Variants in IGSF3 observed in about 807,000 individuals in gnomAD.
IGSF3 encodes immunoglobulin superfamily member 3.
Under a neutral mutation model 114.4 loss-of-function variants are expected in IGSF3, and 23 were observed. That is an observed-to-expected ratio of 0.20 (90% CI 0.14 to 0.28). The LOEUF (loss-of-function observed/expected upper bound fraction) is 0.28, where lower values mean the gene tolerates loss of function less well. Among genes scored for constraint, IGSF3 ranks in the 10% least tolerant of loss-of-function variants. The probability of loss-of-function intolerance (pLI) is 1.00; values close to 1 mark genes in which losing one functional copy is unlikely to be tolerated. For synonymous variants in IGSF3, 571 were observed against 645.2 expected (o/e 0.88, Z 1.74); for missense variants, 1,172 against 1,591.5 (o/e 0.74, Z 4.48).
rs1430024426 is a variant in IGSF3 at position 116,607,438 on chromosome 1, C to T, written c.1222+504G>A. On this transcript the variant is annotated intron_variant, in intron 5 of 10. Coordinates refer to ENST00000369486, the MANE Select transcript of IGSF3 (RefSeq NM_001007237.3). This position sits in a 1 kb window ranked among gnomAD's most constrained non-coding sequence, Gnocchi z 6.1. Reference sequence around the variant, plus strand: ...AAACACAATTTCAACAGGGAAAAGCCATTTAGGGAAATGCCAGCCTTTATA... The same window carrying T: ...AAACACAATTTCAACAGGGAAAAGCTATTTAGGGAAATGCCAGCCTTTATA... Among the ~76,000 whole-genome samples, 1 of 152,194 alleles carries T rather than the reference C, an allele frequency of 6.6e-6. No homozygotes were observed. Among genetic ancestry groups the T allele is most frequent in the Non-Finnish European group, 1.5e-5 (1 of 68,032 alleles).
intron 6 of IGSF3, among the ~76,000 whole-genome samples, chr1:116,602,869 A>AC (rs1192779023): frequency 1.3e-5 from 2 of 152,258 alleles, no homozygotes; most frequent in African/African-American, 4.8e-5. Context: ...AAGCCTCTTT[A>AC]CCCCATGAGA....
chr1:116,623,492 C>G (rs1343783826), intron 2 of IGSF3, among the ~76,000 whole-genome samples: 1 of 151,612 alleles, frequency 6.6e-6, no homozygotes, highest in Non-Finnish European at 1.5e-5. Flanking sequence ...TCGAGACCAG[C>G]CTGGCCAACA....
rs1305994145 is a variant in IGSF3, at chr1:116,614,582, G to A, written c.422-407C>T. On this transcript the variant is annotated intron_variant, in intron 3 of 10. Transcript: ENST00000369486. This position sits in a 1 kb window ranked among gnomAD's most constrained non-coding sequence, Gnocchi z 4.5. ...TGATCCTGTAATGGAAATGCCTCCT[G>A]GAACTTTTAGTTTTACATTTCTATA... 6.6e-6 allele frequency among the ~76,000 whole-genome samples: 1 copy of A among 152,068 alleles called. No individual in the cohort carries two copies. Among genetic ancestry groups the A allele is most frequent in the East Asian group, 1.9e-4 (1 of 5,196 alleles).
Position 116,650,320 on chromosome 1 carries a change from T to A in IGSF3, c.43+15964A>T, listed in dbSNP as rs1019397057. On this transcript the variant is annotated intron_variant, in intron 2 of 10. Coordinates refer to ENST00000369486, the MANE Select transcript of IGSF3 (RefSeq NM_001007237.3). This position sits in a 1 kb window ranked among gnomAD's most constrained non-coding sequence, Gnocchi z 5.0. ...GTCTGCTGGCCTCAACAAACCTGCT[T>A]TCCTCATTGCAACAAGATGGCTGCT... is the stretch of plus-strand genomic sequence containing the variant. 5.1e-4 allele frequency among the ~76,000 whole-genome samples: 78 copies of A among 152,314 alleles called. No homozygotes were observed. The highest frequency in any genetic ancestry group is 1.8e-3 in the African/African-American group (74 of 41,574).
At chr1:116,617,736 A>T (rs1343487456) in intron 2 of IGSF3, among the ~76,000 whole-genome samples, 1 of 152,268 alleles carries the variant, frequency 6.6e-6, no homozygotes, top group Non-Finnish European at 1.5e-5. Flanking sequence ...CACAGAGCCT[A>T]GCCCACAATC....
chr1:116,652,700 T>A (rs1648684217), intron 2 of IGSF3, among the ~76,000 whole-genome samples: 1 of 152,138 alleles, frequency 6.6e-6, no homozygotes. Context: ...CACAAAAAAA[T>A]TTTAGATCCT....
In IGSF3 at chr1:116,657,305, AAAG is replaced by A. The variant is rs1398031157; in HGVS notation, c.43+8976_43+8978del. Among the ~76,000 whole-genome samples, 1 of 152,176 alleles carries A rather than the reference AAAG, an allele frequency of 6.6e-6. No homozygotes were observed. The highest frequency in any genetic ancestry group is 2.4e-5 in the African/African-American group (1 of 41,438). On this transcript the variant is annotated intron_variant, in intron 2 of 10. Transcript: ENST00000369486. The surrounding 1 kb of genome is among the most constrained non-coding windows in gnomAD (Gnocchi z 4.2). ...CAAGGTCAATCAAGGTCACCAATGC[AAAG>A]AAGTAGTGGGCAAACACCACCCAGG...
rs1404459660 is a variant in IGSF3, at chr1:116,579,479, C to T, written c.3247G>A (p.Glu1083Lys). 1 of 1,613,788 alleles carries T rather than the reference C, an allele frequency of 6.2e-7. No individual in the cohort carries two copies. Among genetic ancestry groups the T allele is most frequent in the Non-Finnish European group, 8.5e-7 (1 of 1,179,934 alleles). ...QDTGNYSCHV[E>K]EWLPSPQKEW... The stretch of plus-strand genomic sequence containing the variant: ...TTCTGAGGGCTGGGCAGCCACTCCT[C>T]CACATGGCAGGAGTAATTGCCTGTA... The change falls in exon 10 of 11, where the codon GAG becomes AAG. Residue 1083 changes from glutamate to lysine, a missense_variant. Physicochemically the swap from Glu to Lys is moderately conservative, Grantham distance 56 (BLOSUM62 1). Coordinates refer to ENST00000369486, the MANE Select transcript of IGSF3 (RefSeq NM_001007237.3). This position sits in a 1 kb window ranked among gnomAD's most constrained non-coding sequence, Gnocchi z 6.4.
intron 9 of IGSF3, among the ~76,000 whole-genome samples, chr1:116,580,422 A>G (rs922526410): frequency 6.6e-6 from 1 of 152,256 alleles, no homozygotes; most frequent in East Asian, 1.9e-4. Flanking sequence ...TGCTGAATTC[A>G]TAACCCACGA....
chr1:116,609,085 C>T (rs192112883), intron 4 of IGSF3, among the ~76,000 whole-genome samples: 13 of 151,846 alleles, frequency 8.6e-5, no homozygotes, highest in Admixed American at 8.5e-4. Context: ...CTACTAAGTA[C>T]TCACGCCTGG....
intron 2 of IGSF3, among the ~76,000 whole-genome samples, chr1:116,660,479 C>CTTTTTTTTTTTT (rs71274759): frequency 1.0e-5 from 1 of 99,742 alleles, no homozygotes; most frequent in African/African-American, 3.7e-5. Flanking sequence ...GTATGCTTTT[C>CTTTTTTTTTTTT]TTTTTTTTTT....
At chr1:116,653,928 G>A (rs1401881672) in intron 2 of IGSF3, among the ~76,000 whole-genome samples, 2 of 152,204 alleles carry the variant, frequency 1.3e-5, no homozygotes, top group Non-Finnish European at 2.9e-5. Flanking sequence ...TCTTTGTAAC[G>A]AAATATCAGA....
chr1:116,637,024 A>G (rs1439638416), intron 2 of IGSF3, among the ~76,000 whole-genome samples: 1 of 152,138 alleles, frequency 6.6e-6, no homozygotes, highest in African/African-American at 2.4e-5. Flanking sequence ...CAGCAGATTC[A>G]TTTACAAATC....
rs28676455 is a variant in IGSF3, at chr1:116,583,539, A to G, written c.2848+1106T>C. On this transcript the variant is annotated intron_variant, in intron 9 of 10. Coordinates refer to ENST00000369486, the MANE Select transcript of IGSF3 (RefSeq NM_001007237.3). This position sits in a 1 kb window ranked among gnomAD's most constrained non-coding sequence, Gnocchi z 4.5. ...CACCACCCTGGAGATGCAATATTCCACCAACGAAATGAGCTGCTCTACTCA... is the reference window on the plus strand; with the variant it reads ...CACCACCCTGGAGATGCAATATTCCGCCAACGAAATGAGCTGCTCTACTCA... Among the ~76,000 whole-genome samples the G allele has an allele frequency of 6.6e-6, 1 of 152,162 alleles. No homozygotes were observed. Among genetic ancestry groups the G allele is most frequent in the Admixed American group, 6.5e-5 (1 of 15,284 alleles).
At position 116,600,172 on chromosome 1, in the gene IGSF3, G is replaced by A. The variant is rs751185422; in HGVS notation, c.1798C>T (p.Arg600Trp). Residue 600 changes from arginine to tryptophan, a missense_variant, in exon 7 of 11, where the codon CGG becomes TGG. Physicochemically the swap from Arg to Trp is moderately radical, Grantham distance 101. Coordinates refer to ENST00000369486, the MANE Select transcript of IGSF3 (RefSeq NM_001007237.3). This position sits in a 1 kb window ranked among gnomAD's most constrained non-coding sequence, Gnocchi z 5.5. ...VEFHDLVTFTRDGGVQWGDRS... is the reference protein window; with the variant it reads ...VEFHDLVTFTWDGGVQWGDRS... ...TCCCCCCACTGGACCCCTCCGTCCC[G>A]GGTGAAGGTCACCAAGTCATGGAAC... is the stretch of plus-strand genomic sequence containing the variant. 94 of 1,613,890 alleles carry A rather than the reference G, an allele frequency of 5.8e-5. No homozygotes were observed. The highest frequency in any genetic ancestry group is 6.9e-5 in the Non-Finnish European group (82 of 1,179,952).
At chr1:116,604,372 A>G (rs538449673) in intron 5 of IGSF3, among the ~76,000 whole-genome samples, 1 of 152,330 alleles carries the variant, frequency 6.6e-6, no homozygotes, top group East Asian at 1.9e-4. Context: ...GCTGGAGTTC[A>G]GGGTTTTTCA....
At chr1:116,626,262 A>T (rs1437519538) in intron 2 of IGSF3, among the ~76,000 whole-genome samples, 1 of 151,950 alleles carries the variant, frequency 6.6e-6, no homozygotes, top group East Asian at 1.9e-4. Context: ...TAAAAAAAAA[A>T]TGCTTTTATA....
At chr1:116,604,596 G>C (rs1324606036) in intron 5 of IGSF3, among the ~76,000 whole-genome samples, 1 of 152,338 alleles carries the variant, frequency 6.6e-6, no homozygotes, top group East Asian at 1.9e-4. Flanking sequence ...AGCACAGATG[G>C]TCTAGTTTTG....
At chr1:116,667,266 A>G (rs1649373366) in intron 1 of IGSF3, among the ~76,000 whole-genome samples, 1 of 152,130 alleles carries the variant, frequency 6.6e-6, no homozygotes, top group Non-Finnish European at 1.5e-5. Flanking sequence ...CAAATCGGGA[A>G]GGGGCTCCGC....
Sources: gnomAD v4.1 joint callset for allele counts (sites outside exome capture counted in the v4.1 genomes callset) on GRCh38, gnomAD v4.1.1 for gene constraint, Gnocchi (gnomAD v3.1) non-coding constraint, MANE v1.5 for transcripts, NCBI Gene and HGNC (gene_info 2026-07-23, HGNC 2026-07-21) for gene names.